The following FMN1 variants were observed in gnomAD, a reference collection of about 807,000 sequenced individuals.
FMN1 encodes the protein formin 1.
FMN1 carries 110 observed loss-of-function variants against 132.4 expected under a neutral mutation model. That is an observed-to-expected ratio of 0.83 (90% CI 0.71 to 0.97). The LOEUF (loss-of-function observed/expected upper bound fraction) is 0.97, where lower values mean the gene tolerates loss of function less well. FMN1 is among the 50% of genes least tolerant of loss of function. The pLI, the probability that FMN1 is intolerant of heterozygous loss-of-function variation, is 0.00. For missense variants in FMN1, 1,792 were observed against 1,705.3 expected (o/e 1.05, Z -0.90); for synonymous variants, 722 against 651.7 (o/e 1.11, Z -1.64).
At chr15:33,161,259 T>A (rs1424317947) in intron 3 of FMN1, among the ~76,000 whole-genome samples, 1 of 152,220 alleles carries the variant, frequency 6.6e-6, no homozygotes, top group African/African-American at 2.4e-5. Flanking sequence ...GACTGACTTT[T>A]ATGAACTCAA....
chr15:33,151,232 G>A, intron 4 of FMN1: 1 of 1,535,580 alleles, frequency 6.5e-7, no homozygotes, highest in African/African-American at 1.4e-5. Context: ...CCACAGTAGA[G>A]AAGTTACCCA....
chr15:33,085,996 A>C (rs1226128869), intron 5 of FMN1, among the ~76,000 whole-genome samples: 1 of 152,200 alleles, frequency 6.6e-6, no homozygotes, highest in African/African-American at 2.4e-5. Flanking sequence ...TCACGCCTGT[A>C]ATCCCAGCAC....
chr15:32,858,513 G>A (rs1303109227), intron 16 of FMN1, among the ~76,000 whole-genome samples: 2 of 152,172 alleles, frequency 1.3e-5, no homozygotes, highest in East Asian at 1.9e-4. Context: ...AGGGATGCTA[G>A]GTCACAGGAC....
intron 4 of FMN1, among the ~76,000 whole-genome samples, chr15:33,115,743 G>A (rs1461094807): frequency 2.0e-5 from 3 of 151,896 alleles, no homozygotes; most frequent in African/African-American, 7.3e-5. Flanking sequence ...CCTATGCTCC[G>A]CTCCCATGTT....
chr15:33,161,873 G>C (rs570716705), intron 3 of FMN1, among the ~76,000 whole-genome samples: 1 of 151,476 alleles, frequency 6.6e-6, no homozygotes, highest in Non-Finnish European at 1.5e-5. Context: ...AGACGAGATC[G>C]TGCCACTGCA....
chr15:32,969,091 C>T lies in FMN1; in HGVS notation c.2610G>A (p.Pro870=), dbSNP rs368194891. Residue 870 remains proline, a synonymous_variant, in exon 8 of 21, where the codon CCG becomes CCA. Coordinates refer to ENST00000616417, the MANE Select transcript of FMN1 (RefSeq NM_001277313.2). ...MASNQQKALP[P]PPASIPPPPP... ...GAGGGGGAGGGATGGATGCGGGAGGCGGAGGCAATGCCTTCTGCTGATTTG... is the reference window on the plus strand; with the variant it reads ...GAGGGGGAGGGATGGATGCGGGAGGTGGAGGCAATGCCTTCTGCTGATTTG... 112 of 1,606,740 alleles carry T rather than the reference C, an allele frequency of 7.0e-5. No individual in the cohort carries two copies. The highest frequency in any genetic ancestry group is 1.7e-4 in the Middle Eastern group (1 of 6,014).
intron 4 of FMN1, among the ~76,000 whole-genome samples, chr15:33,121,576 T>G (rs758948473): frequency 2.0e-5 from 3 of 152,204 alleles, no homozygotes; most frequent in Non-Finnish European, 4.4e-5. Flanking sequence ...GTCGCCAGGG[T>G]AGAGTGCAGT....
intron 9 of FMN1, among the ~76,000 whole-genome samples, chr15:32,948,776 CT>C (rs560809198): frequency 8.6e-5 from 13 of 151,410 alleles, no homozygotes; most frequent in African/African-American, 1.9e-4. Context: ...GAATGTTATT[CT>C]TTTTTTTCAA....
At chr15:33,152,275 G>C (rs141867459) in intron 4 of FMN1, among the ~76,000 whole-genome samples, 1 of 152,232 alleles carries the variant, frequency 6.6e-6, no homozygotes, top group African/African-American at 2.4e-5. Context: ...TTATTTTCAT[G>C]TAACATTTTA....
chr15:32,876,941 A>C (rs1368392247), intron 16 of FMN1, among the ~76,000 whole-genome samples: 4 of 143,328 alleles, frequency 2.8e-5, no homozygotes, highest in African/African-American at 1.0e-4. Flanking sequence ...AATTTTGGCC[A>C]ATTTTTTTCC....
intron 4 of FMN1, among the ~76,000 whole-genome samples, chr15:33,099,107 T>G (rs2141404679): frequency 6.6e-6 from 1 of 151,716 alleles, no homozygotes; most frequent in East Asian, 1.9e-4. Context: ...TCTACAAAAC[T>G]CCATCTACAA....
chr15:33,016,111 T>C (rs1019459323), intron 6 of FMN1, among the ~76,000 whole-genome samples: 2 of 151,616 alleles, frequency 1.3e-5, no homozygotes, highest in Admixed American at 6.6e-5. Context: ...AAACAGTAAA[T>C]TCATTAAAAT....
intron 17 of FMN1, among the ~76,000 whole-genome samples, chr15:32,827,253 T>A (rs151046112): frequency 6.6e-6 from 1 of 152,264 alleles, no homozygotes; most frequent in African/African-American, 2.4e-5. Context: ...TAAACTGTCA[T>A]TTATGAGCAA....
chr15:32,893,044 G>A lies in FMN1; in HGVS notation c.3715-4752C>T, dbSNP rs376419025. Among the ~76,000 whole-genome samples, 132 of 152,278 alleles carry A rather than the reference G, an allele frequency of 8.7e-4. 3 individuals are homozygous for A. In the Middle Eastern group the frequency reaches 0.017, roughly 20 times the overall value. On this transcript the variant is annotated intron_variant, in intron 15 of 20. Transcript: ENST00000616417. ...TCTGAGATGTATGTACCTTTAGCAGGAGACATCTAATTTATCACTATGTTT... is the reference window on the plus strand; with the variant it reads ...TCTGAGATGTATGTACCTTTAGCAGAAGACATCTAATTTATCACTATGTTT...
chr15:32,869,996 C>T (rs958469670), intron 16 of FMN1, among the ~76,000 whole-genome samples: 10 of 152,088 alleles, frequency 6.6e-5, no homozygotes, highest in Admixed American at 1.3e-4. Context: ...ACAGAAAGAA[C>T]GCCAAAATGG....
intron 6 of FMN1, among the ~76,000 whole-genome samples, chr15:33,031,243 T>C (rs2035923266): frequency 1.3e-5 from 2 of 152,206 alleles, no homozygotes; most frequent in South Asian, 4.2e-4. Context: ...CCAAACTCAA[T>C]AAATGTCCAT....
chr15:33,105,766 G>A (rs964962982), intron 4 of FMN1: 1 of 151,432 alleles, frequency 6.6e-6, no homozygotes, highest in Non-Finnish European at 1.5e-5. Flanking sequence ...TACAATAAAA[G>A]TATCCATTGA....
At chr15:33,175,672 T>TC (rs1965490541) in intron 3 of FMN1, among the ~76,000 whole-genome samples, 1 of 152,180 alleles carries the variant, frequency 6.6e-6, no homozygotes, top group Non-Finnish European at 1.5e-5. Context: ...AGGTATGGCC[T>TC]CAGTGAAGTC....
intron 7 of FMN1, among the ~76,000 whole-genome samples, chr15:33,002,039 A>C (rs540459675): frequency 1.3e-5 from 2 of 152,322 alleles, no homozygotes; most frequent in South Asian, 4.1e-4. Context: ...GTGTATGGTT[A>C]AAACAAAATG....
Sources: gnomAD v4.1 joint callset for allele counts (sites outside exome capture counted in the v4.1 genomes callset) on GRCh38, gnomAD v4.1.1 for gene constraint, MANE v1.5 for transcripts, NCBI Gene and HGNC (gene_info 2026-07-23, HGNC 2026-07-21) for gene names.